The following NR3C2 variants were observed in gnomAD, a reference collection of about 807,000 sequenced individuals.
NR3C2 encodes nuclear receptor subfamily 3 group C member 2.
NR3C2 carries 15 observed loss-of-function variants against 86.4 expected under a neutral mutation model. The ratio of observed to expected loss-of-function variants is 0.17; its 90% CI spans 0.12 to 0.27. NR3C2 has a LOEUF of 0.27. Ranked by LOEUF, NR3C2 falls within the 10% of genes least tolerant of loss-of-function variation. The probability of loss-of-function intolerance (pLI) is 1.00; values close to 1 mark genes in which losing one functional copy is unlikely to be tolerated. For missense variants in NR3C2, 960 were observed against 1,195.6 expected, an observed-to-expected ratio of 0.80 and a Z score of 2.91; for synonymous variants, 458 against 450.5, an observed-to-expected ratio of 1.02 and a Z score of -0.21.
At chr4:148,344,369 T>G (rs555580428) in intron 2 of NR3C2, among the ~76,000 whole-genome samples, 1 of 152,150 alleles carries the variant, frequency 6.6e-6, no homozygotes, top group African/African-American at 2.4e-5. Context: ...AGAGACAGGA[T>G]GGCTGAAAAA....
chr4:148,392,315 G>A (rs962131144), intron 2 of NR3C2, among the ~76,000 whole-genome samples: 1 of 152,166 alleles, frequency 6.6e-6, no homozygotes, highest in African/African-American at 2.4e-5. Context: ...CCTAAAATAT[G>A]AAATAGAAAA....
chr4:148,215,156 C>T (rs182043841), intron 3 of NR3C2, among the ~76,000 whole-genome samples: 4 of 152,240 alleles, frequency 2.6e-5, no homozygotes, highest in South Asian at 2.1e-4. Context: ...AAAGTCTGTT[C>T]GGGGTATGAA....
At chr4:148,424,550 G>A (rs1336813741) in intron 2 of NR3C2, among the ~76,000 whole-genome samples, 1 of 152,130 alleles carries the variant, frequency 6.6e-6, no homozygotes, top group Non-Finnish European at 1.5e-5. Flanking sequence ...CTACCAACAG[G>A]TAAATGGATG....
At position 148,256,010 on chromosome 4, in the gene NR3C2, T is replaced by C. The variant is rs578093070; in HGVS notation, c.1897+3968A>G. Among the ~76,000 whole-genome samples the C allele has an allele frequency of 3.3e-5, 5 of 152,332 alleles. No individual in the cohort carries two copies. The East Asian group carries it at 7.7e-4, about 23-fold the overall frequency. On this transcript the variant is annotated intron_variant, in intron 3 of 8. Transcript: ENST00000358102. The stretch of plus-strand genomic sequence containing the variant: ...AAATATCCACAGCCTTGCTAGATTA[T>C]TGAGATAAGACTCTGCCTTCTCTAA...
intron 2 of NR3C2, among the ~76,000 whole-genome samples, chr4:148,422,306 G>T (rs1325593181): frequency 6.6e-6 from 1 of 151,236 alleles, no homozygotes; most frequent in Non-Finnish European, 1.5e-5. Context: ...AAATGACAGA[G>T]GAATTGAGGA....
intron 8 of NR3C2, among the ~76,000 whole-genome samples, chr4:148,096,595 A>G (rs1025298368): frequency 1.3e-5 from 2 of 152,216 alleles, no homozygotes; most frequent in Non-Finnish European, 2.9e-5. Context: ...TGATGCCACA[A>G]AAAGCAAACG....
At chr4:148,240,307 C>A (rs1033199353) in intron 3 of NR3C2, among the ~76,000 whole-genome samples, 2 of 149,490 alleles carry the variant, frequency 1.3e-5, no homozygotes, top group Non-Finnish European at 3.0e-5. Context: ...AGTCTTTAAA[C>A]CCCAATGTGC....
chr4:148,261,062 A>T (rs1740073335), intron 2 of NR3C2, among the ~76,000 whole-genome samples: 1 of 152,224 alleles, frequency 6.6e-6, no homozygotes, highest in Non-Finnish European at 1.5e-5. Context: ...ATACCAAGAG[A>T]AAAAATACAA....
chr4:148,194,848 A>G lies in NR3C2; in HGVS notation c.1912T>C (p.Leu638=), dbSNP rs1485401906. 1.1e-5 allele frequency: 17 copies of G among 1,610,788 alleles called. No individual in the cohort carries two copies. The highest frequency in any genetic ancestry group is 1.3e-5 in the Non-Finnish European group (15 of 1,178,940). ...ATGCAATCATTTCTTCCAGCACATAAATAGTTGTGTTGCCCTGATTAAAAT... is the reference window on the plus strand; with the variant it reads ...ATGCAATCATTTCTTCCAGCACATAGATAGTTGTGTTGCCCTGATTAAAAT... ...KRAVEGQHNY[L]CAGRNDCIID... The change falls in exon 4 of 9, where the codon TTA becomes CTA. Residue 638 remains leucine (L), a synonymous_variant. Transcript: ENST00000358102.
intron 2 of NR3C2, among the ~76,000 whole-genome samples, chr4:148,371,028 G>A (rs1270370093): frequency 6.6e-6 from 1 of 152,094 alleles, no homozygotes; most frequent in Non-Finnish European, 1.5e-5. Context: ...CACCATGTCT[G>A]GCTCCCTGTA....
intron 3 of NR3C2, among the ~76,000 whole-genome samples, chr4:148,215,073 G>A (rs966788876): frequency 2.6e-5 from 4 of 152,128 alleles, no homozygotes; most frequent in African/African-American, 4.8e-5. Flanking sequence ...ATTTCCCTCC[G>A]TGTTTGGATT....
intron 6 of NR3C2, among the ~76,000 whole-genome samples, chr4:148,123,187 C>G (rs988849423): frequency 6.6e-6 from 1 of 152,148 alleles, no homozygotes; most frequent in Admixed American, 6.5e-5. Context: ...TGGTCTCCTG[C>G]AGTACCCTCA....
chr4:148,140,258 T>G (rs752001654), intron 6 of NR3C2, among the ~76,000 whole-genome samples: 4 of 152,206 alleles, frequency 2.6e-5, no homozygotes, highest in Non-Finnish European at 5.9e-5. Flanking sequence ...TAAACCCAGC[T>G]ACTTGGGGGC....
chr4:148,323,314 G>C (rs899454764), intron 2 of NR3C2, among the ~76,000 whole-genome samples: 16 of 147,926 alleles, frequency 1.1e-4, no homozygotes, highest in African/African-American at 3.8e-4. Flanking sequence ...AGTCTGCAGA[G>C]GTTACTGCTG....
intron 3 of NR3C2, among the ~76,000 whole-genome samples, chr4:148,240,012 G>C (rs1187326006): frequency 6.6e-6 from 1 of 151,866 alleles, no homozygotes; most frequent in Non-Finnish European, 1.5e-5. Flanking sequence ...TGTGTGGGGG[G>C]CCAGAGGGGC....
chr4:148,129,765 T>C (rs1387786326), intron 6 of NR3C2, among the ~76,000 whole-genome samples: 1 of 152,056 alleles, frequency 6.6e-6, no homozygotes, highest in East Asian at 1.9e-4. Context: ...CTGGCTAATT[T>C]TTGTACTTTT....
intron 6 of NR3C2, among the ~76,000 whole-genome samples, chr4:148,145,291 T>C (rs1212589574): frequency 2.6e-5 from 4 of 152,154 alleles, no homozygotes; most frequent in Non-Finnish European, 4.4e-5. Context: ...ACATTGTGCA[T>C]GCTCCCTCCG....
At chr4:148,234,689 A>G (rs1738657068) in intron 3 of NR3C2, among the ~76,000 whole-genome samples, 1 of 151,836 alleles carries the variant, frequency 6.6e-6, no homozygotes, top group South Asian at 2.1e-4. Flanking sequence ...ACTAAAAAAA[A>G]AAAAAAAAAA....
At chr4:148,142,010 G>A (rs111780107) in intron 6 of NR3C2, among the ~76,000 whole-genome samples, 2,138 of 152,266 alleles carry the variant, frequency 0.014, 28 homozygotes, top group Non-Finnish European at 0.021. Flanking sequence ...CAGCGAGAAA[G>A]TATGCTTTGG....
Sources: gnomAD v4.1 joint callset for allele counts (sites outside exome capture counted in the v4.1 genomes callset) on GRCh38, gnomAD v4.1.1 for gene constraint, MANE v1.5 for transcripts, NCBI Gene and HGNC (gene_info 2026-07-23, HGNC 2026-07-21) for gene names.